The following IFT140 variants were observed in gnomAD, a reference collection of about 807,000 sequenced individuals.
IFT140 encodes intraflagellar transport protein 140 homolog.
A neutral mutation model predicts 164.6 loss-of-function variants in IFT140; 133 were observed. The ratio of observed to expected loss-of-function variants is 0.81; its 90% CI spans 0.70 to 0.93. The LOEUF (loss-of-function observed/expected upper bound fraction) is 0.93. Among genes scored for constraint, IFT140 ranks in the 40% least tolerant of loss-of-function variants. The probability of loss-of-function intolerance (pLI) is 0.00; values close to 1 mark genes in which losing one functional copy is unlikely to be tolerated. For missense variants in IFT140, 2,045 were observed against 1,972.3 expected (o/e 1.04, Z -0.70); for synonymous variants, 860 against 817.3 (o/e 1.05, Z -0.89).
chr16:1,580,648 G>A (rs1213568693), intron 13 of IFT140, 111 bp downstream of exon 13: 3 of 723,006 alleles, frequency 4.1e-6, no homozygotes, highest in Non-Finnish European at 7.3e-6. Context: ...TTTACACAGT[G>A]TGAGAAAGGA....
chr16:1,531,427 G>A lies in IFT140; in HGVS notation c.2400-4631C>T, dbSNP rs1047204982. The A allele has an allele frequency of 5.9e-5, 9 of 152,258 alleles. No homozygotes were observed. The highest frequency in any genetic ancestry group is 1.2e-4 in the Non-Finnish European group (8 of 68,100). 9.4% of individuals were successfully genotyped at this position (152,258 alleles called of 1,614,324 possible). A position where few individuals can be genotyped will look rare whatever the true frequency, so the allele number is the denominator to read the frequency against. On this transcript the variant is annotated intron_variant, in intron 19 of 30. Transcript: ENST00000426508. This position sits in a 1 kb window ranked among gnomAD's most constrained non-coding sequence, Gnocchi z 4.7. ...GGCCGCCCCCTCCCTCCGTGTCCCTGTTCTGTGCTAGGGCTCCCGCTCTGC... is the reference window on the plus strand; with the variant it reads ...GGCCGCCCCCTCCCTCCGTGTCCCTATTCTGTGCTAGGGCTCCCGCTCTGC...
rs201059178 is a variant in IFT140, at chr16:1,571,545, G to A, written c.1525-11C>T. 16 of 1,607,302 alleles carry A rather than the reference G, an allele frequency of 1.0e-5. No individual in the cohort carries two copies. Among genetic ancestry groups the A allele is most frequent in the East Asian group, 6.7e-5 (3 of 44,856 alleles). On this transcript the variant is annotated splice_polypyrimidine_tract_variant and intron_variant, in intron 13 of 30. Coordinates refer to ENST00000426508, the MANE Select transcript of IFT140 (RefSeq NM_014714.4). ...TTGTTTGACAGTCCCCTGAGGAAAAGGAACAAGAAATGGATATATTTCATG... is the reference window on the plus strand; with the variant it reads ...TTGTTTGACAGTCCCCTGAGGAAAAAGAACAAGAAATGGATATATTTCATG...
chr16:1,537,860 C>T (rs932347886), intron 19 of IFT140, among the ~76,000 whole-genome samples: 2 of 152,204 alleles, frequency 1.3e-5, no homozygotes, highest in Non-Finnish European at 2.9e-5. Context: ...CACGTGGCTC[C>T]GTCACCACGC....
rs1221142045 is a variant in IFT140, at chr16:1,526,727, G to A, written c.2469C>T (p.Cys823=). The A allele has an allele frequency of 3.1e-6, 5 of 1,609,236 alleles. No individual in the cohort carries two copies. The African/African-American group carries it at 6.7e-5, about 21-fold the overall frequency. Residue 823 remains cysteine (C), a synonymous_variant, in exon 20 of 31, where the codon TGC becomes TGT. Coordinates refer to ENST00000426508, the MANE Select transcript of IFT140 (RefSeq NM_014714.4). ...CGCGGGCATGGCCCATGTTCCCCAG[G>A]CACACCTTGGCCACGTCCAGCCGCT... is the stretch of plus-strand genomic sequence containing the variant. The part of the protein sequence containing the change: ...KTQRLDVAKV[C]LGNMGHARGA...
rs748379807 is a variant in IFT140, at chr16:1,568,300, C to A, written c.1687G>T (p.Ala563Ser). Residue 563 changes from alanine to serine, a missense_variant, in exon 15 of 31, where the codon GCG becomes TCG. Physicochemically the swap from Ala to Ser is moderately conservative, Grantham distance 99. Transcript: ENST00000426508. ...CCCCCCACCCCAGGGACCAGCTCCGCCAGGCTCCTGCAGCTACAGTGTGCT... is the reference window on the plus strand; with the variant it reads ...CCCCCCACCCCAGGGACCAGCTCCGACAGGCTCCTGCAGCTACAGTGTGCT... ...AKAHCSCRSL[A>S]ELVPGVGGIA... 7 of 1,613,840 alleles carry A rather than the reference C, an allele frequency of 4.3e-6. No homozygotes were observed. Among genetic ancestry groups the A allele is most frequent in the Non-Finnish European group, 5.1e-6 (6 of 1,180,014 alleles).
At chr16:1,552,648 CTTTTTTTTT>C (rs11409894) in intron 19 of IFT140, among the ~76,000 whole-genome samples, 3 of 127,586 alleles carry the variant, frequency 2.4e-5, no homozygotes, top group Admixed American at 1.7e-4. Flanking sequence ...AAAGAGAATG[CTTTTTTTTT>C]TTTTTTTTTG....
At chr16:1,511,191 ACCAGGCACGACCCTCTGCCTGCAGG>A in intron 30 of IFT140, 41 bp from the exon 31 acceptor site, 2 of 1,517,726 alleles carry the variant, frequency 1.3e-6, no homozygotes, top group Non-Finnish European at 1.8e-6. Context: ...TTCCTGAACA[ACCAGGCACGACCCTCTGCCTGCAGG>A]CCAGGCACGT....
Position 1,591,071 on chromosome 16 carries a change from T to C in IFT140, c.634+1105A>G, listed in dbSNP as rs149522066. 5.4e-3 allele frequency among the ~76,000 whole-genome samples: 817 copies of C among 152,226 alleles called. 7 individuals are homozygous for C. The highest frequency in any genetic ancestry group is 0.019 in the African/African-American group (789 of 41,542). ...GGTAGACACCAGTATTACCCCCTTT[T>C]CCACATAAGGACGTGAGGCACAGCG... On this transcript the variant is annotated intron_variant, in intron 6 of 30. Transcript: ENST00000426508.
intron 2 of IFT140, chr16:1,610,459 T>C (rs1396694496): frequency 6.6e-6 from 1 of 151,396 alleles, no homozygotes. Flanking sequence ...GCGACAGCCA[T>C]AGTCCGACGA....
intron 19 of IFT140, chr16:1,534,077 G>T: frequency 1.6e-6 from 1 of 632,174 alleles, no homozygotes; most frequent in Non-Finnish European, 2.6e-6. Flanking sequence ...GCCTGGCCCT[G>T]CTCCAGGTGC....
chr16:1,555,041 C>A, intron 19 of IFT140: 3 of 1,599,714 alleles, frequency 1.9e-6, no homozygotes, highest in Non-Finnish European at 2.6e-6. Context: ...CCCTTCTCAG[C>A]GCTCCATCAA....
chr16:1,541,803 C>T (rs2031666217), intron 19 of IFT140: 1 of 1,279,100 alleles, frequency 7.8e-7, no homozygotes. Flanking sequence ...AATGGAGGCA[C>T]AGCCTGTGCC....
rs117135172 is a variant in IFT140, at chr16:1,525,547, C to T, written c.2769-221G>A. 1.2e-3 allele frequency among the ~76,000 whole-genome samples: 183 copies of T among 152,328 alleles called. 2 individuals carry two copies. The East Asian group carries it at 0.031, about 25-fold the overall frequency. The stretch of plus-strand genomic sequence containing the variant: ...GGAGGCGGGTCGCCCATCCACACCC[C>T]GGGAACGGGTCTAAGAGCAGCTCCT... On this transcript the variant is annotated intron_variant, in intron 21 of 30. Coordinates refer to ENST00000426508, the MANE Select transcript of IFT140 (RefSeq NM_014714.4).
chr16:1,529,439 G>A (rs2030198521), intron 19 of IFT140, among the ~76,000 whole-genome samples: 1 of 152,232 alleles, frequency 6.6e-6, no homozygotes, highest in East Asian at 1.9e-4. Flanking sequence ...CTTCCTGGAC[G>A]CTCAGTCGGC....
chr16:1,592,059 A>T, intron 6 of IFT140, 117 bp downstream of exon 6: 1 of 1,117,146 alleles, frequency 9.0e-7, no homozygotes, highest in South Asian at 1.5e-5. Flanking sequence ...CTTTCTGTGC[A>T]GCCTGCTGCT....
At position 1,564,216 on chromosome 16, in the gene IFT140, A is replaced by T. The variant is rs1792085452; in HGVS notation, c.1902-54T>A. 4 of 1,464,976 alleles carry T rather than the reference A, an allele frequency of 2.7e-6. No individual in the cohort carries two copies. Among genetic ancestry groups the T allele is most frequent in the Non-Finnish European group, 3.7e-6 (4 of 1,083,284 alleles). The allele number at this position is 1,464,976 out of a possible 1,614,324, so 90.7% of individuals were successfully genotyped here. A position where few individuals can be genotyped will look rare whatever the true frequency, so the allele number is the denominator to read the frequency against. ...CCCCAGGGCGGGCACTCCTGCTACC[A>T]GTCTCCCTCCCACACACATTCCCGA... is the stretch of plus-strand genomic sequence containing the variant. On this transcript the variant is annotated intron_variant, in intron 16 of 30. Transcript: ENST00000426508. The surrounding 1 kb of genome is among the most constrained non-coding windows in gnomAD (Gnocchi z 5.5).
At chr16:1,567,086 CT>C (rs2033758900) in intron 15 of IFT140, among the ~76,000 whole-genome samples, 2 of 152,086 alleles carry the variant, frequency 1.3e-5, no homozygotes, top group Non-Finnish European at 2.9e-5. Context: ...ACCCAGTTTC[CT>C]TTCCCACCTG....
chr16:1,513,282 G>A (rs1044746662), intron 30 of IFT140: 1 of 152,210 alleles, frequency 6.6e-6, no homozygotes, highest in African/African-American at 2.4e-5. Context: ...GAGGTCAGGA[G>A]ATCAAGACCA....
chr16:1,526,189 C>T (rs1457276425), intron 20 of IFT140, 112 bp from the exon 21 acceptor site: 2 of 1,040,098 alleles, frequency 1.9e-6, no homozygotes, highest in African/African-American at 1.6e-5. Context: ...GCCAAGCACA[C>T]TGACACACGG....
Sources: gnomAD v4.1 joint callset for allele counts (sites outside exome capture counted in the v4.1 genomes callset) on GRCh38, gnomAD v4.1.1 for gene constraint, Gnocchi (gnomAD v3.1) non-coding constraint, MANE v1.5 for transcripts, NCBI Gene and HGNC (gene_info 2026-07-23, HGNC 2026-07-21) for gene names.